The following CFH variants were observed in gnomAD, a reference collection of about 807,000 sequenced individuals.
The protein encoded by CFH is complement factor H.
In CFH, 53 loss-of-function variants were observed where a neutral mutation model predicts 147.3. The observed-to-expected ratio is 0.36, with a 90% CI of 0.29 to 0.45. The LOEUF (loss-of-function observed/expected upper bound fraction) is 0.45. Among genes scored for constraint, CFH ranks in the 20% least tolerant of loss-of-function variants. CFH has a pLI of 1.00. For synonymous variants in CFH, 536 were observed against 489.4 expected (o/e 1.10, Z -1.26); for missense variants, 1,380 against 1,498.0 (o/e 0.92, Z 1.30).
intron 9 of CFH, among the ~76,000 whole-genome samples, chr1:196,699,569 C>T (rs1282741801): frequency 6.6e-6 from 1 of 152,090 alleles, no homozygotes; most frequent in Non-Finnish European, 1.5e-5. Context: ...ATAGATTACG[C>T]TCTTTGTGTC....
At chr1:196,670,497 A>C (rs1667240430) in intron 1 of CFH, among the ~76,000 whole-genome samples, 1 of 152,074 alleles carries the variant, frequency 6.6e-6, no homozygotes. Flanking sequence ...ATAGTGAATG[A>C]GTTCTCATGA....
chr1:196,721,827 T>G (rs1669005785), intron 11 of CFH, among the ~76,000 whole-genome samples: 1 of 151,834 alleles, frequency 6.6e-6, no homozygotes, highest in Non-Finnish European at 1.5e-5. Context: ...TTTTTTCTTG[T>G]TGATTTGAAA....
intron 6 of CFH, among the ~76,000 whole-genome samples, chr1:196,684,525 C>A (rs928332597): frequency 6.6e-6 from 1 of 151,768 alleles, no homozygotes; most frequent in Non-Finnish European, 1.5e-5. Flanking sequence ...CTTCTTTAAT[C>A]GCGGTATCTT....
chr1:196,702,099 T>G (rs1046785090), intron 9 of CFH, among the ~76,000 whole-genome samples: 6 of 152,154 alleles, frequency 3.9e-5, no homozygotes, highest in Non-Finnish European at 8.8e-5. Flanking sequence ...CTGTTTGGAC[T>G]GATTTACAAG....
chr1:196,669,798 G>A (rs551757047), intron 1 of CFH, among the ~76,000 whole-genome samples: 5 of 152,352 alleles, frequency 3.3e-5, no homozygotes, highest in South Asian at 2.1e-4. Context: ...ACCTAATGGA[G>A]CTGTGAGAAG....
chr1:196,723,336 G>A (rs1215199369), intron 11 of CFH, among the ~76,000 whole-genome samples: 1 of 152,100 alleles, frequency 6.6e-6, no homozygotes, highest in Non-Finnish European at 1.5e-5. Context: ...CTCTGTTTGA[G>A]TACCTTGGTT....
At chr1:196,720,759 A>G (rs921794821) in intron 11 of CFH, among the ~76,000 whole-genome samples, 3 of 151,946 alleles carry the variant, frequency 2.0e-5, no homozygotes, top group Non-Finnish European at 2.9e-5. Context: ...TAGTGAGGCT[A>G]TAAACATATG....
At chr1:196,724,219 A>G in intron 11 of CFH, among the ~76,000 whole-genome samples, 1 of 151,856 alleles carries the variant, frequency 6.6e-6, no homozygotes, top group East Asian at 2.0e-4. Flanking sequence ...CCAGCCAGCT[A>G]TGGGTGACTG....
chr1:196,731,634 C>A (rs1425273080), intron 15 of CFH, among the ~76,000 whole-genome samples: 12 of 151,990 alleles, frequency 7.9e-5, no homozygotes, highest in Admixed American at 7.9e-4. Context: ...GCATCCTCTT[C>A]TTTCACCTTC....
intron 9 of CFH, among the ~76,000 whole-genome samples, chr1:196,702,770 C>T (rs1317807180): frequency 2.0e-5 from 3 of 152,128 alleles, no homozygotes; most frequent in Admixed American, 1.3e-4. Flanking sequence ...GGAATATAAA[C>T]ACTGGAGATA....
At chr1:196,721,270 A>G (rs1164737480) in intron 11 of CFH, among the ~76,000 whole-genome samples, 1 of 151,608 alleles carries the variant, frequency 6.6e-6, no homozygotes, top group Non-Finnish European at 1.5e-5. Context: ...TACTCTGTTT[A>G]TTATTTCCTT....
chr1:196,679,548 T>C, intron 5 of CFH, 75 bp from the exon 6 acceptor site: 1 of 1,160,754 alleles, frequency 8.6e-7, no homozygotes, highest in African/African-American at 1.5e-5. Flanking sequence ...ACATTTCTGT[T>C]TTCATATAAT....
chr1:196,694,205 T>C (rs989393643), intron 9 of CFH, among the ~76,000 whole-genome samples: 2 of 152,062 alleles, frequency 1.3e-5, no homozygotes, highest in African/African-American at 4.8e-5. Context: ...CCTCCCTATG[T>C]CCATGTGTTC....
chr1:196,672,402 A>C (rs1233174929), intron 1 of CFH, among the ~76,000 whole-genome samples: 1 of 152,204 alleles, frequency 6.6e-6, no homozygotes, highest in African/African-American at 2.4e-5. Flanking sequence ...AATTTGGAGT[A>C]GAAACATTGT....
chr1:196,743,446 A>G lies in CFH; in HGVS notation c.3134-6A>G, dbSNP rs370476436. On this transcript the variant is annotated splice_polypyrimidine_tract_variant and splice_region_variant and intron_variant, in intron 19 of 21. Coordinates refer to ENST00000367429, the MANE Select transcript of CFH (RefSeq NM_000186.4). ...AGGTGGAACCACTTCTTTTTTTTCT[A>G]TTCAGACACCTCCTGTGTGAATCCG... 2 of 1,613,778 alleles carry G rather than the reference A, an allele frequency of 1.2e-6. No individual in the cohort carries two copies. The highest frequency in any genetic ancestry group is 2.2e-5 in the East Asian group (1 of 44,820).
At chr1:196,692,103 C>G (rs1369917664) in intron 9 of CFH, among the ~76,000 whole-genome samples, 1 of 151,960 alleles carries the variant, frequency 6.6e-6, no homozygotes, top group Non-Finnish European at 1.5e-5. Context: ...TTTTAACCAG[C>G]ATTGCAGTAA....
At chr1:196,739,137 G>A (rs1023292084) in intron 17 of CFH, among the ~76,000 whole-genome samples, 7 of 152,204 alleles carry the variant, frequency 4.6e-5, no homozygotes, top group African/African-American at 1.4e-4. Context: ...AGAGCAGCAG[G>A]GACCTGATCC....
intron 5 of CFH, 95 bp from the exon 6 acceptor site, chr1:196,679,528 G>C: frequency 1.1e-6 from 1 of 946,690 alleles, no homozygotes; most frequent in Non-Finnish European, 1.7e-6. Context: ...TGATTTACCT[G>C]ATGGAAACAA....
intron 18 of CFH, chr1:196,741,097 G>A (rs1289718836): frequency 2.8e-6 from 1 of 358,142 alleles, no homozygotes; most frequent in Non-Finnish European, 5.2e-6. Flanking sequence ...TCAATCTTCT[G>A]TCAGTTTATC....
Sources: allele counts gnomAD v4.1 joint callset (sites outside exome capture counted in the v4.1 genomes callset), GRCh38; gene constraint gnomAD v4.1.1; transcripts MANE v1.5; gene names NCBI Gene and HGNC (gene_info 2026-07-23, HGNC 2026-07-21).